The following TMEM131 variants were observed in gnomAD, a reference collection of about 807,000 sequenced individuals.
TMEM131 encodes the protein 2610524E03Rik.
Under a neutral mutation model 211.6 loss-of-function variants are expected in TMEM131, and 66 were observed. That is an observed-to-expected ratio of 0.31 (90% confidence interval 0.26 to 0.38). The LOEUF is 0.38. Among genes scored for constraint, TMEM131 ranks in the 10% least tolerant of loss-of-function variants. The pLI, the probability that TMEM131 is intolerant of heterozygous loss-of-function variation, is 1.00. For synonymous variants in TMEM131, 844 were observed against 841.3 expected, an observed-to-expected ratio of 1.00 and a Z score of -0.06; for missense variants, 2,036 against 2,299.3, an observed-to-expected ratio of 0.89 and a Z score of 2.34.
intron 1 of TMEM131, among the ~76,000 whole-genome samples, chr2:97,940,141 C>T (rs1054023478): frequency 6.6e-6 from 1 of 152,176 alleles, no homozygotes; most frequent in East Asian, 1.9e-4. Flanking sequence ...CTCACCACTC[C>T]TATTCTACAT....
At chr2:97,892,425 A>C (rs757999494) in intron 3 of TMEM131, among the ~76,000 whole-genome samples, 12 of 152,114 alleles carry the variant, frequency 7.9e-5, no homozygotes, top group Non-Finnish European at 1.5e-4. Flanking sequence ...TAGTGGTCCA[A>C]TCATGGGTCA....
At chr2:97,822,636 T>C (rs548021177) in intron 11 of TMEM131, among the ~76,000 whole-genome samples, 7 of 152,206 alleles carry the variant, frequency 4.6e-5, no homozygotes, top group African/African-American at 1.7e-4. Context: ...GAGAATGTGT[T>C]GGTAAGGGCC....
chr2:97,949,299 A>G (rs1410343099), intron 1 of TMEM131, among the ~76,000 whole-genome samples: 1 of 152,212 alleles, frequency 6.6e-6, no homozygotes, highest in Non-Finnish European at 1.5e-5. Flanking sequence ...ACAAAGTTGT[A>G]TAATATGCAA....
intron 1 of TMEM131, among the ~76,000 whole-genome samples, chr2:97,932,292 T>A (rs1233895249): frequency 6.6e-6 from 1 of 152,170 alleles, no homozygotes; most frequent in Non-Finnish European, 1.5e-5. Context: ...TCCACATGGG[T>A]CCCTTCGAGC....
In TMEM131 at chr2:97,995,490, C is replaced by G; in HGVS notation, c.173G>C (p.Arg58Pro). ...LVMTLVVAAA[R>P]AEKEAFVQSE... ...GGGACACCCACCTTCCTTCTCGGCCCGCGCCGCAGCCACTACGAGGGTCAT... is the reference window on the plus strand; with the variant it reads ...GGGACACCCACCTTCCTTCTCGGCCGGCGCCGCAGCCACTACGAGGGTCAT... The change falls in exon 1 of 41, where the codon CGG (arginine) becomes CCG (proline). Residue 58 changes from arginine to proline, a missense_variant. Physicochemically the swap from Arg to Pro is moderately radical, Grantham distance 103 (BLOSUM62 -2). Around this residue, in one of 3 missense-constraint regions of TMEM131, gnomAD observed 136 missense variants for 115.4 expected, o/e 1.18. Transcript: ENST00000186436. 2 of 1,408,986 alleles carry G rather than the reference C, an allele frequency of 1.4e-6. No individual in the cohort carries two copies. Among genetic ancestry groups the G allele is most frequent in the Non-Finnish European group, 1.9e-6 (2 of 1,076,290 alleles). The allele number at this position is 1,408,986 out of a possible 1,614,324, so 87.3% of individuals were successfully genotyped here.
At chr2:97,910,115 C>T (rs1351094190) in intron 2 of TMEM131, among the ~76,000 whole-genome samples, 2 of 152,052 alleles carry the variant, frequency 1.3e-5, no homozygotes, top group Non-Finnish European at 2.9e-5. Flanking sequence ...CCAGTAGGCA[C>T]TTTAAAAGAT....
intron 33 of TMEM131, among the ~76,000 whole-genome samples, chr2:97,769,144 G>A (rs1214804526): frequency 6.7e-6 from 1 of 149,868 alleles, no homozygotes; most frequent in Non-Finnish European, 1.5e-5. Context: ...CATCACACCT[G>A]GCTAATTTAA....
chr2:97,925,109 C>T (rs988371781), intron 2 of TMEM131, among the ~76,000 whole-genome samples: 1 of 152,160 alleles, frequency 6.6e-6, no homozygotes, highest in Non-Finnish European at 1.5e-5. Flanking sequence ...TGGACTCAAG[C>T]GACTGACCCG....
intron 5 of TMEM131, among the ~76,000 whole-genome samples, chr2:97,847,542 T>C (rs1457005899): frequency 2.0e-5 from 3 of 152,122 alleles, no homozygotes; most frequent in Non-Finnish European, 2.9e-5. Context: ...GAAGACAAAT[T>C]AATGAAAATA....
chr2:97,784,743 C>T (rs991102664), intron 31 of TMEM131, among the ~76,000 whole-genome samples: 5 of 151,808 alleles, frequency 3.3e-5, no homozygotes, highest in African/African-American at 9.7e-5. Context: ...AAGATAATAA[C>T]AAAGATAAGA....
intron 4 of TMEM131, chr2:97,887,762 C>T (rs1573512829): frequency 3.5e-6 from 1 of 282,886 alleles, no homozygotes; most frequent in Non-Finnish European, 6.5e-6. Context: ...AAATGAAGTG[C>T]TAATCAAAAC....
chr2:97,831,431 A>C (rs145295274), intron 11 of TMEM131, among the ~76,000 whole-genome samples: 4,232 of 152,230 alleles, frequency 0.028, 66 homozygotes, highest in Middle Eastern at 0.065. Context: ...TATTTATTGA[A>C]TGGGTGAATG....
rs1006078919 is a variant in TMEM131 at position 97,924,602 on chromosome 2, T to C, written c.249+2824A>G. Among the ~76,000 whole-genome samples, 3 of 152,202 alleles carry C rather than the reference T, an allele frequency of 2.0e-5. No individual in the cohort carries two copies. The East Asian group carries it at 5.8e-4, about 29-fold the overall frequency. On this transcript the variant is annotated intron_variant, in intron 2 of 40. Transcript: ENST00000186436. ...TGTACAATGGGACCCTTGGGTACCA[T>C]GCCATCAGTTGCTGGTGAGGCCCAG... is the stretch of plus-strand genomic sequence containing the variant.
intron 8 of TMEM131, 80 bp from the exon 9 acceptor site, chr2:97,835,005 C>G: frequency 6.7e-7 from 1 of 1,483,290 alleles, no homozygotes; most frequent in Non-Finnish European, 9.2e-7. Context: ...CTGGATGACA[C>G]TGACTGAAAG....
At chr2:97,794,623 A>T (rs1044032353) in intron 29 of TMEM131, among the ~76,000 whole-genome samples, 2 of 152,242 alleles carry the variant, frequency 1.3e-5, no homozygotes, top group African/African-American at 4.8e-5. Context: ...CCTAGGTACT[A>T]TTGTGTTAAG....
chr2:97,946,567 T>C (rs1487383047), intron 1 of TMEM131, among the ~76,000 whole-genome samples: 1 of 152,028 alleles, frequency 6.6e-6, no homozygotes, highest in Non-Finnish European at 1.5e-5. Context: ...AATAGGCTTA[T>C]ATGTACTTAA....
intron 3 of TMEM131, among the ~76,000 whole-genome samples, chr2:97,891,741 G>T (rs1323074377): frequency 6.6e-6 from 1 of 152,030 alleles, no homozygotes. Context: ...ATACTCTTTG[G>T]CCCAGCATTT....
chr2:97,796,345 C>A lies in TMEM131; in HGVS notation c.3073G>T (p.Gly1025Ter). ...GTTTCTATGTGAATTTGAAGTTGTC[C>A]TGTATTCTCTACCTTAAATGTTCTT... ...LKRTFKVENTGQLQIHIETIE... is the reference protein window; with the variant it reads ...LKRTFKVENT Residue 1025 changes from glycine to a stop codon, truncating the protein, a stop_gained, in exon 28 of 41, where the codon GGA (glycine) becomes TGA (stop). Transcript: ENST00000186436. LOFTEE classifies it high-confidence loss of function. 6.5e-7 allele frequency: 1 copy of A among 1,549,616 alleles called. No individual in the cohort carries two copies. Among genetic ancestry groups the A allele is most frequent in the Non-Finnish European group, 8.7e-7 (1 of 1,148,144 alleles).
intron 1 of TMEM131, among the ~76,000 whole-genome samples, chr2:97,979,592 A>G (rs1679695404): frequency 1.3e-5 from 2 of 152,158 alleles, no homozygotes; most frequent in South Asian, 2.1e-4. Flanking sequence ...CTGGCTGCCA[A>G]CTGTTCTTCT....
Sources: gnomAD v4.1 joint callset for allele counts (sites outside exome capture counted in the v4.1 genomes callset) on GRCh38, gnomAD v4.1.1 for gene constraint, gnomAD v4.1.1 regional missense constraint, MANE v1.5 for transcripts, NCBI Gene and HGNC (gene_info 2026-07-23, HGNC 2026-07-21) for gene names.